UGT2B7: variants seen among roughly 807,000 people sequenced by gnomAD.
UGT2B7 encodes UDP-glucuronosyltransferase 2B7.
UGT2B7 carries 51 observed loss-of-function variants against 51.9 expected under a neutral mutation model. That is an observed-to-expected ratio of 0.98 (90% CI 0.78 to 1.24). The LOEUF is 1.24. Ranked by LOEUF, UGT2B7 falls within the 50% of genes most tolerant of loss-of-function variation. The pLI is 0.00. For synonymous variants in UGT2B7, 225 were observed against 211.6 expected (o/e 1.06, Z -0.55); for missense variants, 727 against 628.4 (o/e 1.16, Z -1.68).
intron 1 of UGT2B7, among the ~76,000 whole-genome samples, chr4:69,061,196 T>C (rs1290393571): frequency 2.6e-5 from 4 of 152,152 alleles, no homozygotes; most frequent in African/African-American, 9.7e-5. Context: ...AAGGCAAATA[T>C]TTACACAGAC....
At chr4:69,077,120 G>A (rs779297092) in intron 1 of UGT2B7, among the ~76,000 whole-genome samples, 7 of 152,132 alleles carry the variant, frequency 4.6e-5, no homozygotes, top group Admixed American at 1.3e-4. Flanking sequence ...TGAGGTCTCT[G>A]TTCTGTTCCA....
intron 1 of UGT2B7, 100 bp from the exon 2 acceptor site, chr4:69,098,440 T>C (rs1719310813): frequency 1.0e-5 from 14 of 1,371,108 alleles, no homozygotes; most frequent in Non-Finnish European, 1.4e-5. Flanking sequence ...AGCACAGATA[T>C]TTGCCTACAT....
chr4:69,109,067 T>A (rs1719697616), intron 5 of UGT2B7, among the ~76,000 whole-genome samples: 1 of 152,092 alleles, frequency 6.6e-6, no homozygotes, highest in South Asian at 2.1e-4. Flanking sequence ...TTAGTTTCAT[T>A]CATGTTGTTG....
At chr4:69,111,217 A>G (rs1402579840) in intron 5 of UGT2B7, among the ~76,000 whole-genome samples, 1 of 152,198 alleles carries the variant, frequency 6.6e-6, no homozygotes, top group African/African-American at 2.4e-5. Flanking sequence ...TGTTAGGAAA[A>G]GAGTTTGCCC....
At position 69,085,711 on chromosome 4, in the gene UGT2B7, CATT is replaced by C. The variant is rs377378717; in HGVS notation, c.-158-3757_-158-3755del. On this transcript the variant is annotated intron_variant, in intron 1 of 5. Coordinates refer to the UGT2B7 transcript ENST00000502942. Reference sequence around the variant, plus strand: ...TTATTACTGCTTCAGTCTTGTTACTCATTATTTCCCTGTTCATGTTTCTATTTA... The same window carrying C: ...TTATTACTGCTTCAGTCTTGTTACTCATTTCCCTGTTCATGTTTCTATTTA... Among the ~76,000 whole-genome samples, 22 of 151,912 alleles carry C rather than the reference CATT, an allele frequency of 1.4e-4. No individual in the cohort carries two copies. The East Asian group carries it at 4.1e-3, about 28-fold the overall frequency.
upstream of UGT2B7, among the ~76,000 whole-genome samples, chr4:69,091,900 C>G (rs193249200): frequency 6.6e-6 from 1 of 152,274 alleles, no homozygotes; most frequent in East Asian, 1.9e-4. Context: ...CAAAGATAAT[C>G]TTGAGAATTC....
At chr4:69,068,087 C>T (rs578235288) in intron 1 of UGT2B7, among the ~76,000 whole-genome samples, 1 of 151,900 alleles carries the variant, frequency 6.6e-6, no homozygotes, top group Non-Finnish European at 1.5e-5. Flanking sequence ...AAAAGGTTAC[C>T]ATAATAAAAC....
At chr4:69,084,623 C>A (rs536599409) in intron 1 of UGT2B7, among the ~76,000 whole-genome samples, 2 of 152,128 alleles carry the variant, frequency 1.3e-5, no homozygotes, top group African/African-American at 4.8e-5. Flanking sequence ...CTCTTTCCCC[C>A]CAACGCACGA....
chr4:69,080,865 A>G (rs1223145615), intron 1 of UGT2B7, among the ~76,000 whole-genome samples: 1 of 152,192 alleles, frequency 6.6e-6, no homozygotes, highest in Non-Finnish European at 1.5e-5. Flanking sequence ...GAGCATAGGA[A>G]CTACATCACA....
intron 1 of UGT2B7, among the ~76,000 whole-genome samples, chr4:69,068,837 C>T (rs1302188321): frequency 6.6e-6 from 1 of 151,908 alleles, no homozygotes; most frequent in Non-Finnish European, 1.5e-5. Flanking sequence ...TATTCTTTGT[C>T]TATTAGTCCA....
chr4:69,063,296 G>A (rs1260100758), intron 1 of UGT2B7, among the ~76,000 whole-genome samples: 2 of 131,484 alleles, frequency 1.5e-5, no homozygotes, highest in African/African-American at 3.1e-5. Flanking sequence ...TCCAGCCTGG[G>A]CGACAGAGCG....
intron 1 of UGT2B7, among the ~76,000 whole-genome samples, chr4:69,064,116 GAAAGA>G: frequency 7.1e-6 from 1 of 141,294 alleles, no homozygotes; most frequent in Middle Eastern, 3.7e-3. Flanking sequence ...GAAAGAAAAA[GAAAGA>G]AAGAAAGAAA....
chr4:69,064,094 A>AAGAAAGAAAGAAAGAGAGAGAG (rs1560499755), intron 1 of UGT2B7, among the ~76,000 whole-genome samples: 1 of 84,418 alleles, frequency 1.2e-5, no homozygotes, highest in Non-Finnish European at 2.4e-5. Flanking sequence ...GAAAGAAAGA[A>AAGAAAGAAAGAAAGAGAGAGAG]AGAGAAAGAA....
At chr4:69,070,975 C>T (rs1481440786) in intron 1 of UGT2B7, among the ~76,000 whole-genome samples, 4 of 152,108 alleles carry the variant, frequency 2.6e-5, no homozygotes, top group African/African-American at 7.2e-5. Flanking sequence ...TCATAACTGG[C>T]TTCCTGTGTA....
intron 1 of UGT2B7, among the ~76,000 whole-genome samples, chr4:69,066,665 G>A (rs1221780102): frequency 1.3e-5 from 2 of 152,022 alleles, no homozygotes; most frequent in Non-Finnish European, 2.9e-5. Context: ...TAAACTAAAA[G>A]AGGTTGACAT....
chr4:69,054,881 C>T (rs761902920), intron 1 of UGT2B7, among the ~76,000 whole-genome samples: 5 of 151,932 alleles, frequency 3.3e-5, no homozygotes, highest in Non-Finnish European at 7.4e-5. Flanking sequence ...GTATATACAT[C>T]AAGTCACTGA....
Position 69,112,516 on chromosome 4 carries a change from T to C in UGT2B7, c.1370T>C (p.Leu457Pro), listed in dbSNP as rs1719804663. 1 of 1,613,960 alleles carries C rather than the reference T, an allele frequency of 6.2e-7. No individual in the cohort carries two copies. Among genetic ancestry groups the C allele is most frequent in the East Asian group, 2.2e-5 (1 of 44,876 alleles). Residue 457 changes from leucine to proline, a missense_variant, in exon 6 of 6, where the codon CTG becomes CCG. Physicochemically the swap from Leu to Pro is moderately conservative, Grantham distance 98. Transcript: ENST00000305231. ...CAACATGATCAACCAGTGAAGCCCC[T>C]GGATCGAGCAGTCTTCTGGATTGAA... ...RIQHDQPVKPLDRAVFWIEFV... is the reference protein window; with the variant it reads ...RIQHDQPVKPPDRAVFWIEFV...
rs769172682 is a variant in UGT2B7 at position 69,097,259 on chromosome 4, T to A, written c.721+18T>A. Reference sequence around the variant, plus strand: ...AGTTCTAGGTAAGTATTTTTTTCAATCAGTAACATGAAGCTCTAACTTATT... The same window carrying A: ...AGTTCTAGGTAAGTATTTTTTTCAAACAGTAACATGAAGCTCTAACTTATT... On this transcript the variant is annotated intron_variant, in intron 1 of 5. Transcript: ENST00000305231. The A allele has an allele frequency of 5.0e-5, 80 of 1,598,524 alleles. No homozygotes were observed. Among genetic ancestry groups the A allele is most frequent in the Non-Finnish European group, 6.7e-5 (79 of 1,175,718 alleles).
intron 1 of UGT2B7, among the ~76,000 whole-genome samples, chr4:69,063,998 A>T (rs2109864534): frequency 6.7e-6 from 1 of 148,710 alleles, no homozygotes; most frequent in South Asian, 2.2e-4. Flanking sequence ...TACAGGAGGC[A>T]TCAAAGGGGA....
Sources: allele counts gnomAD v4.1 joint callset (sites outside exome capture counted in the v4.1 genomes callset), GRCh38; gene constraint gnomAD v4.1.1; transcripts MANE v1.5; gene names NCBI Gene and HGNC (gene_info 2026-07-23, HGNC 2026-07-21).